RTL4: variants seen among roughly 807,000 people sequenced by gnomAD.
RTL4 encodes retrotransposon Gag-like protein 4.
Under a neutral mutation model 5.3 loss-of-function variants are expected in RTL4, and 4 were observed. The observed-to-expected ratio is 0.75, with a 90% CI of 0.37 to 1.72. The LOEUF is 1.72. Among genes scored for constraint, RTL4 ranks in the 40% most tolerant of loss-of-function variants. RTL4 has a pLI of 0.04. For synonymous variants in RTL4, 98 were observed against 87.3 expected (o/e 1.12, Z -0.68); for missense variants, 260 against 227.1 (o/e 1.14, Z -0.93).
the RTL4 span, among the ~76,000 whole-genome samples, chrX:112,338,685 A>G: frequency 8.9e-6 from 1 of 111,811 alleles, no homozygotes; most frequent in East Asian, 2.8e-4. Context: ...AGTGATTGTG[A>G]TGGAGCCAAG....
chrX:112,402,400 T>TTG, the RTL4 span, among the ~76,000 whole-genome samples: 24,945 of 87,113 alleles, frequency 0.29, 3,557 homozygotes, highest in Admixed American at 0.38. Flanking sequence ...GGAATTATTA[T>TTG]TGTGTGTGTG....
At chrX:112,398,040 T>C in the RTL4 span, among the ~76,000 whole-genome samples, 1 of 111,647 alleles carries the variant, frequency 9.0e-6, no homozygotes, top group East Asian at 2.8e-4. Context: ...GTGTTGAGAG[T>C]AGATGTTCTT....
the RTL4 span, among the ~76,000 whole-genome samples, chrX:112,199,494 G>A: frequency 1.8e-5 from 2 of 110,858 alleles, no homozygotes; most frequent in Admixed American, 9.6e-5. Flanking sequence ...AGCTACTTGA[G>A]AAAGAATGGA....
At chrX:112,286,759 C>G in the RTL4 span, among the ~76,000 whole-genome samples, 101 of 111,615 alleles carry the variant, frequency 9.0e-4, no homozygotes, top group African/African-American at 3.1e-3. Flanking sequence ...TCTATTGCTT[C>G]TCCCCACATA....
chrX:112,280,265 G>C, the RTL4 span, among the ~76,000 whole-genome samples: 2 of 111,023 alleles, frequency 1.8e-5, no homozygotes, highest in African/African-American at 6.5e-5. Flanking sequence ...CTAAACATTG[G>C]GTACTCATGG....
chrX:112,210,504 G>A, the RTL4 span, among the ~76,000 whole-genome samples: 1 of 112,112 alleles, frequency 8.9e-6, no homozygotes, highest in Non-Finnish European at 1.9e-5. Flanking sequence ...TTGATATACA[G>A]AGCTAATATT....
the RTL4 span, among the ~76,000 whole-genome samples, chrX:112,403,370 G>A: frequency 1.3e-4 from 15 of 112,047 alleles, no homozygotes; most frequent in South Asian, 4.9e-3. Flanking sequence ...ATTGCTAGAA[G>A]GTATTGGTCA....
At chrX:112,440,069 A>G in the RTL4 span, among the ~76,000 whole-genome samples, 1 of 111,732 alleles carries the variant, frequency 8.9e-6, no homozygotes, top group African/African-American at 3.3e-5. Flanking sequence ...AGGAACACAA[A>G]TGTCCTCTAT....
chrX:112,425,820 T>A, the RTL4 span, among the ~76,000 whole-genome samples: 1,249 of 111,898 alleles, frequency 0.011, 10 homozygotes, highest in Non-Finnish European at 0.018. Context: ...TCTTGGTATA[T>A]TTTGGACAAC....
chrX:112,234,629 GC>G, the RTL4 span, among the ~76,000 whole-genome samples: 2 of 111,830 alleles, frequency 1.8e-5, no homozygotes, highest in Non-Finnish European at 3.8e-5. Flanking sequence ...AATCCCACCC[GC>G]CCACCTGTAC....
At chrX:112,281,979 T>C in the RTL4 span, among the ~76,000 whole-genome samples, 2 of 112,246 alleles carry the variant, frequency 1.8e-5, no homozygotes, top group African/African-American at 6.5e-5. Context: ...CTGTGGAGAA[T>C]TTTTAGTTTG....
At chrX:112,434,359 G>T in the RTL4 span, among the ~76,000 whole-genome samples, 1 of 110,585 alleles carries the variant, frequency 9.0e-6, no homozygotes, top group Non-Finnish European at 1.9e-5. Flanking sequence ...AATCCATCTG[G>T]TCCTGGACTC....
At chrX:112,370,782 T>C in the RTL4 span, among the ~76,000 whole-genome samples, 21 of 111,145 alleles carry the variant, frequency 1.9e-4, no homozygotes, top group Admixed American at 2.9e-4. Flanking sequence ...TCTCTTTCTT[T>C]GAGGGCACCC....
At chrX:112,305,744 G>A in the RTL4 span, among the ~76,000 whole-genome samples, 3 of 112,136 alleles carry the variant, frequency 2.7e-5, no homozygotes, top group Admixed American at 9.5e-5. Flanking sequence ...ATTGTGATTC[G>A]TTGTATAATA....
At chrX:112,314,105 T>G in the RTL4 span, among the ~76,000 whole-genome samples, 1 of 111,841 alleles carries the variant, frequency 8.9e-6, no homozygotes, top group African/African-American at 3.2e-5. Flanking sequence ...TATACAAATA[T>G]CAGTTAAACG....
the RTL4 span, among the ~76,000 whole-genome samples, chrX:112,134,671 A>G: frequency 3.6e-5 from 4 of 112,495 alleles, no homozygotes; most frequent in Admixed American, 9.4e-5. Context: ...GGATAATGAA[A>G]CATAGCCATC....
chrX:112,293,346 T>C, the RTL4 span, among the ~76,000 whole-genome samples: 1 of 112,554 alleles, frequency 8.9e-6, no homozygotes, highest in East Asian at 2.8e-4. Context: ...CTTCTCCATT[T>C]TTCTTTTGTA....
the RTL4 span, among the ~76,000 whole-genome samples, chrX:112,226,971 T>TAAAATAAAATAAAATA: frequency 1.5e-4 from 11 of 74,918 alleles, no homozygotes; most frequent in African/African-American, 5.2e-4. Flanking sequence ...TAAAATAAAA[T>TAAAATAAAATAAAATA]AATAAAATAA....
the RTL4 span, among the ~76,000 whole-genome samples, chrX:112,259,854 C>A: frequency 8.9e-6 from 1 of 111,766 alleles, no homozygotes; most frequent in African/African-American, 3.2e-5. Flanking sequence ...TCTTCATACC[C>A]ACTCAACACT....
Sources: gnomAD v4.1 joint callset for allele counts (sites outside exome capture counted in the v4.1 genomes callset) on GRCh38, gnomAD v4.1.1 for gene constraint, MANE v1.5 for transcripts, NCBI Gene and HGNC (gene_info 2026-07-23, HGNC 2026-07-21) for gene names.